SHANK2: variants seen among roughly 807,000 people sequenced by gnomAD.
SHANK2 encodes the protein SH3 and multiple ankyrin repeat domains 2, also known as SH3 and multiple ankyrin repeat domains protein 2.
SHANK2 carries 43 observed loss-of-function variants against 133.7 expected under a neutral mutation model. That is an observed-to-expected ratio of 0.32 (90% CI 0.25 to 0.41). SHANK2 has a LOEUF of 0.41. SHANK2 is among the 10% of genes least tolerant of loss of function. SHANK2 has a pLI of 1.00. For synonymous variants in SHANK2, 1,017 were observed against 952.8 expected (o/e 1.07, Z -1.24); for missense variants, 1,994 against 2,235.8 (o/e 0.89, Z 2.18).
intron 14 of SHANK2, among the ~76,000 whole-genome samples, chr11:70,768,450 A>G (rs968764889): frequency 1.3e-5 from 2 of 152,172 alleles, no homozygotes; most frequent in African/African-American, 2.4e-5. Flanking sequence ...ACCCGGAGGC[A>G]GTTCAGGGAA....
Position 70,807,459 on chromosome 11 carries a change from CAAGGG to C in SHANK2, c.1494-293_1494-289del, listed in dbSNP as rs1197145074. On this transcript the variant is annotated intron_variant, in intron 12 of 25. Transcript: ENST00000601538. The surrounding 1 kb of genome is among the most constrained non-coding windows in gnomAD (Gnocchi z 4.8). ...CACAGTGGCACCGTTCACAGCAGCC[CAAGGG>C]TCCCTCCACAGAATGGAGAGACACA... Among the ~76,000 whole-genome samples the C allele has an allele frequency of 6.6e-6, 1 of 152,200 alleles. No homozygotes were observed. Among genetic ancestry groups the C allele is most frequent in the Non-Finnish European group, 1.5e-5 (1 of 68,038 alleles).
intron 17 of SHANK2, among the ~76,000 whole-genome samples, chr11:70,612,484 G>A (rs1554994564): frequency 1.3e-5 from 2 of 152,202 alleles, no homozygotes; most frequent in African/African-American, 4.8e-5. Context: ...ATTCTTGGGG[G>A]TGTTTTGCCT....
chr11:71,103,833 TCTCC>T (rs1951759039), intron 6 of SHANK2, among the ~76,000 whole-genome samples: 3 of 144,728 alleles, frequency 2.1e-5, no homozygotes, highest in Admixed American at 6.9e-5. Flanking sequence ...CCTCTCTCTC[TCTCC>T]CTCCCTCCCT....
chr11:70,785,027 G>A (rs1311159656), intron 14 of SHANK2, among the ~76,000 whole-genome samples: 1 of 152,218 alleles, frequency 6.6e-6, no homozygotes, highest in Non-Finnish European at 1.5e-5. Context: ...AGGGCCATCT[G>A]CAGTGGGTCT....
intron 14 of SHANK2, among the ~76,000 whole-genome samples, chr11:70,774,524 TAGCC>T (rs1947321579): frequency 6.6e-6 from 1 of 152,126 alleles, no homozygotes; most frequent in Non-Finnish European, 1.5e-5. Context: ...TTCATCATGT[TAGCC>T]AGGCTGGTCT....
At chr11:70,839,930 T>A (rs1438576387) in intron 11 of SHANK2, among the ~76,000 whole-genome samples, 1 of 152,142 alleles carries the variant, frequency 6.6e-6, no homozygotes, top group Non-Finnish European at 1.5e-5. Flanking sequence ...CACATCTGCA[T>A]CAAGAAAACC....
chr11:70,875,807 G>A (rs543693372), intron 11 of SHANK2, among the ~76,000 whole-genome samples: 102 of 149,630 alleles, frequency 6.8e-4, no homozygotes, highest in African/African-American at 2.2e-3. Context: ...AGTTGGCGGT[G>A]AATGCACTGC....
chr11:70,662,000 C>T, intron 15 of SHANK2: 1 of 589,888 alleles, frequency 1.7e-6, no homozygotes, highest in Non-Finnish European at 3.0e-6. Context: ...GGGGGCTGGC[C>T]AGGACGCCGC....
intron 14 of SHANK2, among the ~76,000 whole-genome samples, chr11:70,746,732 G>A (rs1340542031): frequency 6.6e-6 from 1 of 152,102 alleles, no homozygotes; most frequent in Non-Finnish European, 1.5e-5. Flanking sequence ...GCACTTGCAG[G>A]TGGCCTTGGG....
chr11:70,714,610 C>T (rs782166547), intron 14 of SHANK2, among the ~76,000 whole-genome samples: 6 of 152,140 alleles, frequency 3.9e-5, no homozygotes, highest in Non-Finnish European at 7.3e-5. Flanking sequence ...CGAGAGGACT[C>T]GACCCAGGAG....
chr11:70,506,062 T>C (rs2059132816), intron 17 of SHANK2, among the ~76,000 whole-genome samples: 1 of 152,158 alleles, frequency 6.6e-6, no homozygotes, highest in Non-Finnish European at 1.5e-5. Flanking sequence ...CATTACTCTT[T>C]TCTGGGCAGG....
chr11:70,469,576 A>G lies in SHANK2; in HGVS notation c.*3293T>C, dbSNP rs1459911739. On this transcript the variant is annotated 3_prime_UTR_variant, in exon 26 of 26. Transcript: ENST00000601538. The stretch of plus-strand genomic sequence containing the variant: ...GAATAAAAGCACAAAAGTAACAGCA[A>G]CATAGATAATGCGAACACGTGTTGT... The G allele has an allele frequency of 6.6e-6, 1 of 152,394 alleles. No individual in the cohort carries two copies. The highest frequency in any genetic ancestry group is 1.5e-5 in the Non-Finnish European group (1 of 68,030). The allele number at this position is 152,394 out of a possible 1,614,324, so 9.4% of individuals were successfully genotyped here.
At chr11:70,945,734 A>T (rs1371168769) in intron 10 of SHANK2, among the ~76,000 whole-genome samples, 2 of 152,156 alleles carry the variant, frequency 1.3e-5, no homozygotes, top group African/African-American at 4.8e-5. Flanking sequence ...CTCCTGAGAC[A>T]CTAGGTTACC....
chr11:70,842,753 G>T (rs781849161), intron 11 of SHANK2, among the ~76,000 whole-genome samples: 3 of 152,176 alleles, frequency 2.0e-5, no homozygotes, highest in Non-Finnish European at 4.4e-5. Context: ...CACTGCTGGA[G>T]GCTCCCAGGG....
At chr11:71,214,054 C>T (rs79059911) in intron 2 of SHANK2, among the ~76,000 whole-genome samples, 1 of 152,306 alleles carries the variant, frequency 6.6e-6, no homozygotes, top group East Asian at 1.9e-4. Context: ...CCCCTACAGC[C>T]CCAGGCCTGC....
chr11:70,560,366 C>A (rs1290822246), intron 17 of SHANK2, among the ~76,000 whole-genome samples: 3 of 151,908 alleles, frequency 2.0e-5, no homozygotes, highest in African/African-American at 7.3e-5. Flanking sequence ...TTAAACATGG[C>A]TGAGAGAAAT....
intron 2 of SHANK2, among the ~76,000 whole-genome samples, chr11:71,157,157 G>A (rs782148101): frequency 2.4e-4 from 37 of 152,256 alleles, no homozygotes; most frequent in Middle Eastern, 3.4e-3. Flanking sequence ...TAAAGACACT[G>A]ACAGCAGGAA....
intron 11 of SHANK2, among the ~76,000 whole-genome samples, chr11:70,852,089 G>A (rs1171431447): frequency 3.3e-5 from 5 of 152,218 alleles, no homozygotes; most frequent in African/African-American, 1.2e-4. Context: ...GACTACTGCA[G>A]GAGTCCCCTG....
At chr11:70,934,343 G>A (rs1555083108) in intron 10 of SHANK2, among the ~76,000 whole-genome samples, 14 of 151,806 alleles carry the variant, frequency 9.2e-5, no homozygotes. Flanking sequence ...CTCACCCCAG[G>A]TAATGGAGGC....
Sources: gnomAD v4.1 joint callset for allele counts (sites outside exome capture counted in the v4.1 genomes callset) on GRCh38, gnomAD v4.1.1 for gene constraint, Gnocchi (gnomAD v3.1) non-coding constraint, MANE v1.5 for transcripts, NCBI Gene and HGNC (gene_info 2026-07-23, HGNC 2026-07-21) for gene names.